Variants in RPS6KA5 observed in about 807,000 individuals in gnomAD.
RPS6KA5 encodes ribosomal protein S6 kinase A5.
Under a neutral mutation model 85.5 loss-of-function variants are expected in RPS6KA5, and 27 were observed. That is an observed-to-expected ratio of 0.32 (90% CI 0.23 to 0.44). The LOEUF is 0.44. RPS6KA5 is among the 20% of genes least tolerant of loss of function. The pLI is 1.00. For synonymous variants in RPS6KA5, 334 were observed against 348.2 expected (o/e 0.96, Z 0.46); for missense variants, 811 against 980.9 (o/e 0.83, Z 2.31).
At chr14:90,930,724 A>G (rs1405147007) in intron 5 of RPS6KA5, among the ~76,000 whole-genome samples, 1 of 152,180 alleles carries the variant, frequency 6.6e-6, no homozygotes, top group African/African-American at 2.4e-5. Context: ...TGAGCAAAGG[A>G]CTCTAATAGA....
At chr14:90,983,846 T>A (rs1317851315) in intron 2 of RPS6KA5, among the ~76,000 whole-genome samples, 1 of 102,498 alleles carries the variant, frequency 9.8e-6, no homozygotes, top group African/African-American at 5.1e-5. Context: ...TCTCTTTCTT[T>A]TTTTCTTTCT....
chr14:90,975,186 T>C (rs61987419), intron 3 of RPS6KA5, among the ~76,000 whole-genome samples: 1 of 151,494 alleles, frequency 6.6e-6, no homozygotes, highest in Non-Finnish European at 1.5e-5. Flanking sequence ...AAAACACATA[T>C]TTAAAAAAAA....
intron 7 of RPS6KA5, among the ~76,000 whole-genome samples, chr14:90,917,544 T>A (rs1312885117): frequency 6.6e-6 from 1 of 152,206 alleles, no homozygotes; most frequent in Non-Finnish European, 1.5e-5. Context: ...TCCTACGTAC[T>A]GTAATCTCTC....
rs1013547936 is a variant in RPS6KA5, at chr14:90,864,515, A to T, written c.*7559T>A. 1 of 152,246 alleles carries T rather than the reference A, an allele frequency of 6.6e-6. No homozygotes were observed. The highest frequency in any genetic ancestry group is 2.4e-5 in the African/African-American group (1 of 41,468). 9.4% of individuals were successfully genotyped at this position (152,246 alleles called of 1,614,324 possible). On this transcript the variant is annotated 3_prime_UTR_variant, in exon 17 of 17. Coordinates refer to ENST00000614987, the MANE Select transcript of RPS6KA5 (RefSeq NM_004755.4). Reference sequence around the variant, plus strand: ...CATTTATTAAATACGACGCAAAAGTATTAGCAATTAAATAAAAGACTGGTA... The same window carrying T: ...CATTTATTAAATACGACGCAAAAGTTTTAGCAATTAAATAAAAGACTGGTA...
chr14:91,047,590 G>T (rs1213479048), intron 1 of RPS6KA5, among the ~76,000 whole-genome samples: 1 of 152,092 alleles, frequency 6.6e-6, no homozygotes, highest in Non-Finnish European at 1.5e-5. Flanking sequence ...CCATATCTTG[G>T]GGCAAAATTA....
intron 3 of RPS6KA5, among the ~76,000 whole-genome samples, chr14:90,965,588 A>G (rs1456964266): frequency 6.6e-6 from 1 of 152,180 alleles, no homozygotes; most frequent in East Asian, 1.9e-4. Context: ...GTTCACATGC[A>G]GTTCACGAGA....
chr14:91,020,461 G>C (rs115748338), intron 1 of RPS6KA5, among the ~76,000 whole-genome samples: 2 of 151,322 alleles, frequency 1.3e-5, no homozygotes, highest in African/African-American at 4.9e-5. Flanking sequence ...TTATATAAGG[G>C]ACTTGAGCAT....
intron 1 of RPS6KA5, among the ~76,000 whole-genome samples, chr14:91,041,055 AT>A (rs374003100): frequency 0.019 from 2,838 of 150,864 alleles, 36 homozygotes; most frequent in Non-Finnish European, 0.029. Context: ...GCGACAGAGA[AT>A]TTTTTTTTTC....
intron 14 of RPS6KA5, among the ~76,000 whole-genome samples, chr14:90,888,409 G>C (rs975962609): frequency 6.6e-6 from 1 of 152,100 alleles, no homozygotes; most frequent in Non-Finnish European, 1.5e-5. Context: ...TAATCTTTAA[G>C]ACATGCTACT....
intron 7 of RPS6KA5, among the ~76,000 whole-genome samples, chr14:90,908,073 C>T (rs141750344): frequency 6.6e-6 from 1 of 152,320 alleles, no homozygotes; most frequent in African/African-American, 2.4e-5. Context: ...AAGAACATTT[C>T]AACTTGTATT....
chr14:91,053,705 A>C (rs1298471889), intron 1 of RPS6KA5, among the ~76,000 whole-genome samples: 1 of 152,250 alleles, frequency 6.6e-6, no homozygotes, highest in Non-Finnish European at 1.5e-5. Context: ...AGACAACCTA[A>C]ATAAATGGAA....
At chr14:90,902,631 T>C (rs1264917328) in intron 9 of RPS6KA5, among the ~76,000 whole-genome samples, 177 bp downstream of exon 9, 1 of 152,270 alleles carries the variant, frequency 6.6e-6, no homozygotes, top group Non-Finnish European at 1.5e-5. Flanking sequence ...ATATCTGCTA[T>C]TGAGCAAACT....
At chr14:90,940,908 T>C (rs1290424) in intron 5 of RPS6KA5, among the ~76,000 whole-genome samples, 121,308 of 152,128 alleles carry the variant, frequency 0.8, 48,650 homozygotes, top group East Asian at 0.97. Flanking sequence ...AAATGTAATG[T>C]GCTTGAATCA....
At chr14:90,919,583 T>TTTA (rs1315144854) in intron 7 of RPS6KA5, among the ~76,000 whole-genome samples, 2 of 152,172 alleles carry the variant, frequency 1.3e-5, no homozygotes, top group Non-Finnish European at 2.9e-5. Flanking sequence ...CCCTCAAATA[T>TTTA]TTACGGCATT....
In RPS6KA5 at chr14:90,863,565, G is replaced by A. The variant is rs926652654; in HGVS notation, c.*8509C>T. Reference sequence around the variant, plus strand: ...GAAATCTAAAATAATATACAGATTAGAATTAAAAAGTGAATTTAACAAGGT... The same window carrying A: ...GAAATCTAAAATAATATACAGATTAAAATTAAAAAGTGAATTTAACAAGGT... On this transcript the variant is annotated 3_prime_UTR_variant, in exon 17 of 17. Coordinates refer to ENST00000614987, the MANE Select transcript of RPS6KA5 (RefSeq NM_004755.4). 1 of 151,676 alleles carries A rather than the reference G, an allele frequency of 6.6e-6. No individual in the cohort carries two copies. The highest frequency in any genetic ancestry group is 1.5e-5 in the Non-Finnish European group (1 of 67,926). 9.4% of individuals were successfully genotyped at this position (151,676 alleles called of 1,614,324 possible). A position where few individuals can be genotyped will look rare whatever the true frequency, so the allele number is the denominator to read the frequency against.
intron 1 of RPS6KA5, among the ~76,000 whole-genome samples, chr14:91,011,466 CAG>C (rs1221479409): frequency 6.6e-6 from 1 of 151,924 alleles, no homozygotes; most frequent in Admixed American, 6.6e-5. Context: ...AGCTTGAAGA[CAG>C]AGTAAAACTC....
At chr14:90,946,471 T>C (rs2037878138) in intron 4 of RPS6KA5, among the ~76,000 whole-genome samples, 1 of 152,164 alleles carries the variant, frequency 6.6e-6, no homozygotes. Context: ...CATCTTACCA[T>C]AATTTATTCT....
At chr14:91,009,838 C>A (rs1438545264) in intron 1 of RPS6KA5, among the ~76,000 whole-genome samples, 1 of 151,916 alleles carries the variant, frequency 6.6e-6, no homozygotes, top group African/African-American at 2.4e-5. Context: ...CAAGAGACCA[C>A]AGGAAAGGAA....
At chr14:90,994,391 T>C (rs2040427272) in intron 2 of RPS6KA5, among the ~76,000 whole-genome samples, 1 of 152,000 alleles carries the variant, frequency 6.6e-6, no homozygotes, top group Non-Finnish European at 1.5e-5. Flanking sequence ...GTCTGGTCAT[T>C]TTTTTAGCAT....
Sources: gnomAD v4.1 joint callset for allele counts (sites outside exome capture counted in the v4.1 genomes callset) on GRCh38, gnomAD v4.1.1 for gene constraint, MANE v1.5 for transcripts, NCBI Gene and HGNC (gene_info 2026-07-23, HGNC 2026-07-21) for gene names.